Variants in TLL1 observed in about 807,000 individuals in gnomAD.
TLL1 encodes tolloid like 1, also known as tolloid-like protein 1.
Under a neutral mutation model 128.2 loss-of-function variants are expected in TLL1, and 49 were observed. The observed-to-expected ratio is 0.38, with a 90% CI of 0.30 to 0.48. The LOEUF (loss-of-function observed/expected upper bound fraction) is 0.48, where lower values mean the gene tolerates loss of function less well. TLL1 is among the 20% of genes least tolerant of loss of function. TLL1 has a pLI of 0.96. For synonymous variants in TLL1, 454 were observed against 418.8 expected, an observed-to-expected ratio of 1.08 and a Z score of -1.03; for missense variants, 1,123 against 1,242.0, an observed-to-expected ratio of 0.90 and a Z score of 1.44.
chr4:165,892,055 C>T (rs1561010010), intron 1 of TLL1, among the ~76,000 whole-genome samples: 1 of 152,186 alleles, frequency 6.6e-6, no homozygotes, highest in Non-Finnish European at 1.5e-5. Flanking sequence ...GGGAAGCAAA[C>T]ACATCCTTCT....
intron 8 of TLL1, among the ~76,000 whole-genome samples, chr4:166,023,064 A>G (rs1315688027): frequency 6.6e-6 from 1 of 152,210 alleles, no homozygotes; most frequent in East Asian, 1.9e-4. Flanking sequence ...TGAGCTTTGC[A>G]TGCGATGATG....
At chr4:165,886,871 C>T (rs1731183950) in intron 1 of TLL1, among the ~76,000 whole-genome samples, 1 of 152,108 alleles carries the variant, frequency 6.6e-6, no homozygotes, top group South Asian at 2.1e-4. Context: ...ATTAATTATG[C>T]ATCTCAGGGA....
intron 12 of TLL1, chr4:166,044,315 A>G (rs905239016): frequency 7.4e-6 from 11 of 1,490,210 alleles, no homozygotes; most frequent in East Asian, 2.5e-5. Flanking sequence ...TATGAACACT[A>G]CTTACTGAGG....
At chr4:166,025,593 T>G (rs541583525) in intron 9 of TLL1, among the ~76,000 whole-genome samples, 162 bp downstream of exon 9, 1 of 151,582 alleles carries the variant, frequency 6.6e-6, no homozygotes, top group Admixed American at 6.6e-5. Flanking sequence ...CTCCAGGAAT[T>G]TTTTTGAAAG....
intron 18 of TLL1, among the ~76,000 whole-genome samples, 199 bp from the exon 19 acceptor site, chr4:166,090,929 A>G (rs1741740851): frequency 6.6e-6 from 1 of 151,798 alleles, no homozygotes; most frequent in Non-Finnish European, 1.5e-5. Context: ...ATATGAAGTT[A>G]TTACATTGTT....
intron 1 of TLL1, among the ~76,000 whole-genome samples, chr4:165,938,965 T>A (rs1733880245): frequency 6.6e-6 from 1 of 152,092 alleles, no homozygotes; most frequent in African/African-American, 2.4e-5. Flanking sequence ...TCCTGGAAGA[T>A]TGTTTTCGTG....
At chr4:166,078,361 G>T (rs1579715290) in intron 18 of TLL1, among the ~76,000 whole-genome samples, 1 of 152,118 alleles carries the variant, frequency 6.6e-6, no homozygotes, top group African/African-American at 2.4e-5. Flanking sequence ...AAAAAAATCG[G>T]AATTTGCCAG....
intron 10 of TLL1, among the ~76,000 whole-genome samples, chr4:166,040,611 G>A (rs1157837120): frequency 6.6e-6 from 1 of 152,168 alleles, no homozygotes; most frequent in Non-Finnish European, 1.5e-5. Context: ...TCCAAAAAGT[G>A]CAGCACTTAG....
chr4:166,017,701 T>C (rs1180613622), intron 8 of TLL1, among the ~76,000 whole-genome samples: 1 of 152,156 alleles, frequency 6.6e-6, no homozygotes, highest in Non-Finnish European at 1.5e-5. Context: ...CTTTCTCTTT[T>C]TTTATGTTTC....
intron 1 of TLL1, among the ~76,000 whole-genome samples, chr4:165,928,711 C>T (rs1047082688): frequency 6.6e-6 from 1 of 152,184 alleles, no homozygotes; most frequent in African/African-American, 2.4e-5. Context: ...TGCTGTTGGA[C>T]TTTAGCTGTT....
intron 1 of TLL1, among the ~76,000 whole-genome samples, chr4:165,917,080 TTCAATTCACAAG>T (rs1732814346): frequency 6.6e-6 from 1 of 152,148 alleles, no homozygotes; most frequent in African/African-American, 2.4e-5. Context: ...TTTCCTTGTT[TTCAATTCACAAG>T]TACCTAAATG....
At chr4:165,967,115 G>A (rs1022201089) in intron 1 of TLL1, among the ~76,000 whole-genome samples, 3 of 152,128 alleles carry the variant, frequency 2.0e-5, no homozygotes, top group South Asian at 2.1e-4. Context: ...AGAATTCAGC[G>A]ATATTTCTCC....
intron 1 of TLL1, among the ~76,000 whole-genome samples, chr4:165,907,602 G>T (rs999794511): frequency 4.0e-5 from 6 of 150,328 alleles, no homozygotes; most frequent in Admixed American, 4.0e-4. Context: ...AGGCTAGAGT[G>T]CAATGGCATG....
At chr4:165,929,791 A>G (rs1056220753) in intron 1 of TLL1, among the ~76,000 whole-genome samples, 1 of 152,240 alleles carries the variant, frequency 6.6e-6, no homozygotes, top group Non-Finnish European at 1.5e-5. Context: ...TCTAGAAATC[A>G]ATCTAATAAT....
At position 165,913,539 on chromosome 4, in the gene TLL1, T is replaced by C. The variant is rs145099645; in HGVS notation, c.169+39466T>C. On this transcript the variant is annotated intron_variant, in intron 1 of 20. Transcript: ENST00000061240. ...TCTAGTTGAAAATATGTAAGTGCTG[T>C]GTTGCAAAACAGAATCCTATATCAC... is the stretch of plus-strand genomic sequence containing the variant. Among the ~76,000 whole-genome samples, 126 of 152,346 alleles carry C rather than the reference T, an allele frequency of 8.3e-4. 1 individual carries two copies. In the East Asian group the frequency reaches 0.021, roughly 25 times the overall value.
chr4:165,874,636 C>A (rs1016356548), intron 1 of TLL1, among the ~76,000 whole-genome samples: 2 of 152,234 alleles, frequency 1.3e-5, no homozygotes, highest in African/African-American at 4.8e-5. Flanking sequence ...GAACTCACTT[C>A]TAGATGGGAT....
chr4:165,894,045 G>A (rs557153988), intron 1 of TLL1, among the ~76,000 whole-genome samples: 1 of 152,134 alleles, frequency 6.6e-6, no homozygotes. Flanking sequence ...TTAGACAAAT[G>A]GTAGCTAGAA....
At chr4:166,009,570 ACTTAT>A (rs1579618324) in intron 7 of TLL1, among the ~76,000 whole-genome samples, 2 of 151,368 alleles carry the variant, frequency 1.3e-5, no homozygotes, top group African/African-American at 2.4e-5. Flanking sequence ...TTTGTTTATT[ACTTAT>A]CTTATTGTTT....
At chr4:166,030,569 A>C (rs72697374) in intron 9 of TLL1, 25 of 559,000 alleles carry the variant, frequency 4.5e-5, no homozygotes, top group Non-Finnish European at 7.5e-5. Flanking sequence ...CATAGCCAAG[A>C]AATCATGGCC....
Sources: gnomAD v4.1 joint callset for allele counts (sites outside exome capture counted in the v4.1 genomes callset) on GRCh38, gnomAD v4.1.1 for gene constraint, MANE v1.5 for transcripts, NCBI Gene and HGNC (gene_info 2026-07-23, HGNC 2026-07-21) for gene names.